The following OPCML variants were observed in gnomAD, a reference collection of about 807,000 sequenced individuals.
The protein encoded by OPCML is opioid binding protein/cell adhesion molecule like.
Under a neutral mutation model 37.8 loss-of-function variants are expected in OPCML, and 13 were observed. That is an observed-to-expected ratio of 0.34 (90% CI 0.22 to 0.55). OPCML has a LOEUF of 0.55. Ranked by LOEUF, OPCML falls within the 20% of genes least tolerant of loss-of-function variation. OPCML has a pLI of 0.91. For synonymous variants in OPCML, 176 were observed against 168.8 expected (o/e 1.04, Z -0.33); for missense variants, 341 against 435.6 (o/e 0.78, Z 1.93).
At chr11:133,113,065 G>A (rs1949281324) in intron 1 of OPCML, among the ~76,000 whole-genome samples, 1 of 152,146 alleles carries the variant, frequency 6.6e-6, no homozygotes, top group South Asian at 2.1e-4. Context: ...GTGAAAATAT[G>A]CCAAATACAT....
chr11:133,076,085 G>T (rs1948616705), intron 1 of OPCML, among the ~76,000 whole-genome samples: 1 of 151,704 alleles, frequency 6.6e-6, no homozygotes, highest in Non-Finnish European at 1.5e-5. Context: ...CTCTTGGTTT[G>T]TTATTTTTTA....
At chr11:132,634,039 C>T (rs1940326642) in intron 3 of OPCML, among the ~76,000 whole-genome samples, 1 of 152,116 alleles carries the variant, frequency 6.6e-6, no homozygotes, top group Non-Finnish European at 1.5e-5. Flanking sequence ...CATACAGACA[C>T]AGCAGTATTT....
intron 2 of OPCML, among the ~76,000 whole-genome samples, chr11:132,935,878 T>C (rs1471697862): frequency 6.6e-6 from 1 of 152,222 alleles, no homozygotes; most frequent in Non-Finnish European, 1.5e-5. Context: ...TACCAAGAAG[T>C]GACCGGCTCA....
At chr11:133,110,686 G>A (rs1324061740) in intron 1 of OPCML, among the ~76,000 whole-genome samples, 1 of 152,144 alleles carries the variant, frequency 6.6e-6, no homozygotes, top group Admixed American at 6.6e-5. Flanking sequence ...AGGGGCCCTA[G>A]CCTCAAACGC....
intron 2 of OPCML, among the ~76,000 whole-genome samples, chr11:132,698,815 G>A (rs1591746966): frequency 6.6e-6 from 1 of 151,730 alleles, no homozygotes; most frequent in Non-Finnish European, 1.5e-5. Context: ...TATATATATA[G>A]TTGGGTCCAA....
intron 2 of OPCML, among the ~76,000 whole-genome samples, chr11:132,900,640 C>T (rs991825238): frequency 3.3e-5 from 5 of 152,178 alleles, no homozygotes; most frequent in Admixed American, 6.5e-5. Context: ...TGTCTCCGCA[C>T]GCTGTGACCT....
At chr11:132,742,138 C>T (rs906191259) in intron 2 of OPCML, among the ~76,000 whole-genome samples, 1 of 152,132 alleles carries the variant, frequency 6.6e-6, no homozygotes, top group Non-Finnish European at 1.5e-5. Context: ...TGTGAATACC[C>T]AGTCAGTGAC....
chr11:132,780,615 G>T (rs976740894), intron 2 of OPCML, among the ~76,000 whole-genome samples: 1 of 152,142 alleles, frequency 6.6e-6, no homozygotes, highest in Non-Finnish European at 1.5e-5. Context: ...ACTCAGAATA[G>T]GCTGGGAGGT....
At chr11:132,888,870 A>G (rs201341798) in intron 2 of OPCML, among the ~76,000 whole-genome samples, 10 of 146,168 alleles carry the variant, frequency 6.8e-5, no homozygotes, top group Non-Finnish European at 1.1e-4. Context: ...AAAAAAAAAA[A>G]GAAAAAAAAA....
chr11:132,644,655 C>A (rs902280413), intron 3 of OPCML, among the ~76,000 whole-genome samples: 4 of 152,148 alleles, frequency 2.6e-5, no homozygotes, highest in African/African-American at 9.7e-5. Context: ...ACACACAGGC[C>A]TGAAAACATC....
rs1370445278 is a variant in OPCML at position 132,716,283 on chromosome 11, G to A, written c.147-58964C>T. ...GAGGCTCAGAAGCGCTATCCAGGAA[G>A]TAGCATGTAGATTTAAGTGACCTGG... On this transcript the variant is annotated intron_variant, in intron 2 of 7. Coordinates refer to ENST00000524381, the MANE Select transcript of OPCML (RefSeq NM_001012393.5). 2.0e-5 allele frequency among the ~76,000 whole-genome samples: 3 copies of A among 152,232 alleles called. No homozygotes were observed. In the East Asian group the frequency reaches 5.8e-4, roughly 29 times the overall value.
At chr11:132,712,913 C>A (rs1944325004) in intron 2 of OPCML, among the ~76,000 whole-genome samples, 2 of 152,218 alleles carry the variant, frequency 1.3e-5, no homozygotes, top group African/African-American at 4.8e-5. Context: ...TAAGCCTCAT[C>A]GCTCTTCATC....
chr11:132,589,122 C>T (rs1295561095), intron 3 of OPCML, among the ~76,000 whole-genome samples: 2 of 152,058 alleles, frequency 1.3e-5, no homozygotes, highest in African/African-American at 4.8e-5. Flanking sequence ...AAATTTGGTA[C>T]AAAGATAGTC....
chr11:133,083,602 G>A (rs1948774965), intron 1 of OPCML, among the ~76,000 whole-genome samples: 4 of 152,218 alleles, frequency 2.6e-5, no homozygotes, highest in East Asian at 1.9e-4. Flanking sequence ...TTGCATGTTC[G>A]CCACTTGCAA....
intron 3 of OPCML, among the ~76,000 whole-genome samples, chr11:132,631,215 T>C (rs1462210404): frequency 4.0e-5 from 6 of 151,820 alleles, no homozygotes; most frequent in African/African-American, 1.4e-4. Flanking sequence ...AAAAAATTCT[T>C]TGTTTTTGAA....
At chr11:132,515,521 C>T (rs547216365) in intron 4 of OPCML, among the ~76,000 whole-genome samples, 3 of 152,142 alleles carry the variant, frequency 2.0e-5, no homozygotes, top group Non-Finnish European at 4.4e-5. Flanking sequence ...AGCCCAGGTT[C>T]GAAGTGAAAA....
At chr11:132,544,353 C>T (rs566334140) in intron 3 of OPCML, among the ~76,000 whole-genome samples, 61 of 152,266 alleles carry the variant, frequency 4.0e-4, no homozygotes, top group Non-Finnish European at 6.0e-4. Context: ...CTAAGGCTCC[C>T]ATTCCCTTGA....
intron 1 of OPCML, among the ~76,000 whole-genome samples, chr11:133,463,163 T>C (rs566219451): frequency 1.8e-5 from 2 of 112,684 alleles, no homozygotes; most frequent in Non-Finnish European, 3.7e-5. Context: ...GTTTTGAATA[T>C]ACAGTTAAAA....
chr11:132,721,950 C>CTTTTTTTTTTTTTTTT (rs34325848), intron 2 of OPCML, among the ~76,000 whole-genome samples: 2 of 82,782 alleles, frequency 2.4e-5, no homozygotes, highest in Non-Finnish European at 2.2e-5. Context: ...CTTTCCTTCC[C>CTTTTTTTTTTTTTTTT]TTTTTTTTTT....
Sources: allele counts gnomAD v4.1 joint callset (sites outside exome capture counted in the v4.1 genomes callset), GRCh38; gene constraint gnomAD v4.1.1; transcripts MANE v1.5; gene names NCBI Gene and HGNC (gene_info 2026-07-23, HGNC 2026-07-21).